LRCH2: variants seen among roughly 807,000 people sequenced by gnomAD.
LRCH2 encodes the protein leucine rich repeats and calponin homology domain containing 2.
In LRCH2, 38 loss-of-function variants were observed where a neutral mutation model predicts 68.9. That is an observed-to-expected ratio of 0.55 (90% CI 0.43 to 0.72). The LOEUF is 0.72. LRCH2 is among the 30% of genes least tolerant of loss of function. The probability of loss-of-function intolerance (pLI) is 0.00; values close to 1 mark genes in which losing one functional copy is unlikely to be tolerated. For missense variants in LRCH2, 528 were observed against 572.9 expected (o/e 0.92, Z 0.80); for synonymous variants, 191 against 208.1 (o/e 0.92, Z 0.71).
intron 1 of LRCH2, 74 bp downstream of exon 1, chrX:115,233,619 A>AACGCAGCC (rs1451460960): frequency 9.8e-7 from 1 of 1,019,373 alleles, no homozygotes. Context: ...AGAGTCCAAC[A>AACGCAGCC]ACGCAGCCAC....
chrX:115,148,438 A>T (rs2072405448), intron 14 of LRCH2, among the ~76,000 whole-genome samples: 1 of 111,941 alleles, frequency 8.9e-6, no homozygotes, highest in Non-Finnish European at 1.9e-5. Flanking sequence ...TGGTTTTGTT[A>T]TACTACGATA....
At chrX:115,139,503 C>T (rs1040837645) in intron 14 of LRCH2, among the ~76,000 whole-genome samples, 1 of 111,878 alleles carries the variant, frequency 8.9e-6, no homozygotes, top group Non-Finnish European at 1.9e-5. Context: ...CACCTGTGGC[C>T]GGGCACGGTG....
At chrX:115,189,776 G>C (rs994268385) in intron 1 of LRCH2, 1 of 1,167,227 alleles carries the variant, frequency 8.6e-7, no homozygotes, top group Non-Finnish European at 1.1e-6. Context: ...CACAGAACCC[G>C]TGGGGGTGGC....
chrX:115,230,778 A>G (rs782184895), intron 1 of LRCH2, among the ~76,000 whole-genome samples: 1 of 111,632 alleles, frequency 9.0e-6, no homozygotes, highest in Non-Finnish European at 1.9e-5. Context: ...ACTTTTATCA[A>G]TGTTCTTATT....
rs1556547139 is a variant in LRCH2 at position 115,170,414 on chromosome X, C to A, written c.883G>T (p.Val295Leu). 6 of 1,138,290 alleles carry A rather than the reference C, an allele frequency of 5.3e-6. No homozygotes were observed. The highest frequency in any genetic ancestry group is 7.0e-6 in the Non-Finnish European group (6 of 860,602). 93.8% of individuals were successfully genotyped at this position (1,138,290 alleles called of 1,213,427 possible). Residue 295 changes from valine (V) to leucine (L), a missense_variant, in exon 6 of 21, where the codon GTG becomes TTG. Val to Leu is a conservative substitution (Grantham distance 32). Coordinates refer to ENST00000317135, the MANE Select transcript of LRCH2 (RefSeq NM_020871.4). ...ATATTTAAGTACTTAAATATGTGCA[C>A]CTTACCCTTTAAACATATCTGTCAA... The part of the protein sequence containing the change: ...PPAQICLKGK[V>L]HIFKYLNIQA...
At chrX:115,155,038 C>CAAAA (rs561385926) in intron 12 of LRCH2, among the ~76,000 whole-genome samples, 7 of 41,852 alleles carry the variant, frequency 1.7e-4, no homozygotes, top group East Asian at 8.6e-4. Context: ...AAGACTCTGT[C>CAAAA]AAAAAAAAAA....
At chrX:115,144,565 C>CAA (rs59018534) in intron 14 of LRCH2, among the ~76,000 whole-genome samples, 8,596 of 95,976 alleles carry the variant, frequency 0.09, 939 homozygotes, top group African/African-American at 0.3. Context: ...TAGACTCCAC[C>CAA]AAAAAAAAAA....
At chrX:115,125,473 A>G (rs1286253888) in intron 16 of LRCH2, among the ~76,000 whole-genome samples, 66 of 214 alleles carry the variant, frequency 0.31, 1 homozygote, top group Non-Finnish European at 0.36. Context: ...ATATATATAT[A>G]TATATATATA....
chrX:115,114,267 T>C (rs1315794817), intron 20 of LRCH2, among the ~76,000 whole-genome samples: 2 of 111,594 alleles, frequency 1.8e-5, no homozygotes, highest in African/African-American at 6.5e-5. Flanking sequence ...ATACTAATGA[T>C]GGTATCCCAT....
chrX:115,188,438 A>T, intron 1 of LRCH2, 68 bp from the exon 2 acceptor site: 1 of 770,830 alleles, frequency 1.3e-6, no homozygotes, highest in South Asian at 4.2e-5. Context: ...CTATTTTCAC[A>T]CTTGCTGAAT....
At chrX:115,122,473 G>T (rs1178946471) in intron 20 of LRCH2, 54 bp downstream of exon 20, 4 of 998,498 alleles carry the variant, frequency 4.0e-6, no homozygotes, top group Non-Finnish European at 5.6e-6. Context: ...ACCCCAGTTT[G>T]CATGTAATAA....
intron 5 of LRCH2, among the ~76,000 whole-genome samples, chrX:115,171,858 T>C (rs1370985084): frequency 1.8e-5 from 2 of 108,870 alleles, no homozygotes; most frequent in Non-Finnish European, 3.8e-5. Context: ...CTTTCTTATA[T>C]TTTGCAGAGA....
Position 115,119,177 on chromosome X carries a change from G to C in LRCH2, c.2178+3350C>G, listed in dbSNP as rs868970171. Among the ~76,000 whole-genome samples the C allele has an allele frequency of 2.8e-4, 31 of 109,771 alleles. 1 individual carries two copies. Among genetic ancestry groups the C allele is most frequent in the African/African-American group, 1.0e-3 (31 of 30,143 alleles). On this transcript the variant is annotated intron_variant, in intron 20 of 20. Transcript: ENST00000317135. ...TTGGAAGTTCTGGCCAGGGCAATTAGGCAGGAGAAGGAAATAAAGGGTATT... is the reference window on the plus strand; with the variant it reads ...TTGGAAGTTCTGGCCAGGGCAATTACGCAGGAGAAGGAAATAAAGGGTATT...
chrX:115,142,243 A>C (rs2072345976), intron 14 of LRCH2, among the ~76,000 whole-genome samples: 1 of 112,077 alleles, frequency 8.9e-6, no homozygotes. Context: ...CACTTTCAGC[A>C]CTGGACAGAT....
intron 1 of LRCH2, among the ~76,000 whole-genome samples, chrX:115,224,471 C>A (rs1213145365): frequency 9.1e-6 from 1 of 109,858 alleles, no homozygotes. Context: ...TCACCTGAGT[C>A]CAGAAGTTCA....
At chrX:115,201,569 G>A (rs1256746284) in intron 1 of LRCH2, among the ~76,000 whole-genome samples, 1 of 111,279 alleles carries the variant, frequency 9.0e-6, no homozygotes. Context: ...TACTGAATGG[G>A]GAAAAGCTGA....
chrX:115,201,017 G>A (rs2072926422), intron 1 of LRCH2, among the ~76,000 whole-genome samples: 1 of 111,770 alleles, frequency 8.9e-6, no homozygotes, highest in South Asian at 3.8e-4. Context: ...ACAAAACAAA[G>A]AGGTTTATTG....
chrX:115,224,632 C>T (rs1251072481), intron 1 of LRCH2, among the ~76,000 whole-genome samples: 1 of 104,911 alleles, frequency 9.5e-6, no homozygotes, highest in Non-Finnish European at 1.9e-5. Flanking sequence ...TGCAGTGAGC[C>T]GTGATTGTGC....
intron 1 of LRCH2, among the ~76,000 whole-genome samples, chrX:115,225,051 G>A (rs1395063361): frequency 1.8e-5 from 2 of 112,161 alleles, no homozygotes. Context: ...CCTTCCTTCT[G>A]ACTGTGGGGC....
Sources: gnomAD v4.1 joint callset for allele counts (sites outside exome capture counted in the v4.1 genomes callset) on GRCh38, gnomAD v4.1.1 for gene constraint, MANE v1.5 for transcripts, NCBI Gene and HGNC (gene_info 2026-07-23, HGNC 2026-07-21) for gene names.